The following PRKD1 variants were observed in gnomAD, a reference collection of about 807,000 sequenced individuals.
PRKD1 encodes the protein protein kinase D1.
A neutral mutation model predicts 95.9 loss-of-function variants in PRKD1; 63 were observed. That is an observed-to-expected ratio of 0.66 (90% CI 0.54 to 0.81). The LOEUF (loss-of-function observed/expected upper bound fraction) is 0.81, where lower values mean the gene tolerates loss of function less well. PRKD1 is among the 30% of genes least tolerant of loss of function. The probability of loss-of-function intolerance (pLI) is 0.00; values close to 1 mark genes in which losing one functional copy is unlikely to be tolerated. For synonymous variants in PRKD1, 425 were observed against 423.1 expected (o/e 1.00, Z -0.05); for missense variants, 1,048 against 1,165.3 (o/e 0.90, Z 1.47).
chr14:29,758,662 T>C (rs565875363), intron 1 of PRKD1, among the ~76,000 whole-genome samples: 1 of 152,336 alleles, frequency 6.6e-6, no homozygotes, highest in African/African-American at 2.4e-5. Flanking sequence ...CACAAAGATA[T>C]TATACTTAGT....
At chr14:29,642,560 G>A (rs2139149703) in intron 4 of PRKD1, among the ~76,000 whole-genome samples, 2 of 152,270 alleles carry the variant, frequency 1.3e-5, no homozygotes, top group Admixed American at 1.3e-4. Flanking sequence ...CTGTTTGCAT[G>A]AAATGTATTA....
chr14:29,583,692 C>T (rs45504104), intron 16 of PRKD1, among the ~76,000 whole-genome samples: 142 of 151,488 alleles, frequency 9.4e-4, no homozygotes, highest in East Asian at 4.9e-3. Context: ...TCTTTTTTTT[C>T]TCTTCTTATG....
chr14:29,741,886 T>C (rs1042151344), intron 1 of PRKD1, among the ~76,000 whole-genome samples: 3 of 152,146 alleles, frequency 2.0e-5, no homozygotes, highest in Admixed American at 6.6e-5. Flanking sequence ...CTTTGATTAA[T>C]ATTATGACAT....
At chr14:29,647,788 G>A (rs1222792296) in intron 4 of PRKD1, among the ~76,000 whole-genome samples, 1 of 152,196 alleles carries the variant, frequency 6.6e-6, no homozygotes, top group Non-Finnish European at 1.5e-5. Flanking sequence ...CCAAATAGGG[G>A]TGCAGGAGAG....
At chr14:29,583,869 A>G (rs1892828020) in intron 16 of PRKD1, among the ~76,000 whole-genome samples, 1 of 152,206 alleles carries the variant, frequency 6.6e-6, no homozygotes, top group South Asian at 2.1e-4. Flanking sequence ...CTTTTGCTAC[A>G]ATAAATTTTT....
intron 1 of PRKD1, among the ~76,000 whole-genome samples, chr14:29,745,287 T>C (rs1376968220): frequency 6.6e-6 from 1 of 152,156 alleles, no homozygotes; most frequent in African/African-American, 2.4e-5. Context: ...GTCTCTTAAC[T>C]CAAATATGGG....
chr14:29,613,222 C>A (rs1878603506), intron 13 of PRKD1, among the ~76,000 whole-genome samples: 1 of 152,144 alleles, frequency 6.6e-6, no homozygotes, highest in Non-Finnish European at 1.5e-5. Flanking sequence ...AGAAAGCACC[C>A]ACATTTTGCA....
chr14:29,609,350 G>T (rs1231018216), intron 13 of PRKD1, among the ~76,000 whole-genome samples: 1 of 152,018 alleles, frequency 6.6e-6, no homozygotes, highest in Non-Finnish European at 1.5e-5. Context: ...AATGCACAAT[G>T]CATGATTACA....
At chr14:29,646,780 T>G (rs1881154876) in intron 4 of PRKD1, among the ~76,000 whole-genome samples, 2 of 150,022 alleles carry the variant, frequency 1.3e-5, no homozygotes, top group Non-Finnish European at 1.5e-5. Context: ...CACAGTCATC[T>G]GCAACAACAC....
At chr14:29,758,362 C>T (rs2139480273) in intron 1 of PRKD1, among the ~76,000 whole-genome samples, 1 of 152,132 alleles carries the variant, frequency 6.6e-6, no homozygotes, top group African/African-American at 2.4e-5. Context: ...TTTTCAAAAG[C>T]GTTTTGACCC....
chr14:29,735,129 G>C (rs1476516969), intron 1 of PRKD1, among the ~76,000 whole-genome samples: 2 of 152,180 alleles, frequency 1.3e-5, no homozygotes, highest in African/African-American at 4.8e-5. Flanking sequence ...TTAAAATAGA[G>C]AATAGTAATA....
intron 2 of PRKD1, among the ~76,000 whole-genome samples, chr14:29,686,685 T>C (rs1401035668): frequency 6.6e-6 from 1 of 152,194 alleles, no homozygotes; most frequent in Non-Finnish European, 1.5e-5. Context: ...TGACCTTAGA[T>C]GATTAGTAGA....
chr14:29,745,278 T>C (rs145784549), intron 1 of PRKD1, among the ~76,000 whole-genome samples: 1 of 152,256 alleles, frequency 6.6e-6, no homozygotes, highest in East Asian at 1.9e-4. Context: ...AAGAATTCTG[T>C]CTCTTAACTC....
intron 1 of PRKD1, among the ~76,000 whole-genome samples, chr14:29,795,688 A>G (rs2139204841): frequency 6.6e-6 from 1 of 152,248 alleles, no homozygotes; most frequent in African/African-American, 2.4e-5. Flanking sequence ...ACAATGTGCA[A>G]TATTCCCCAA....
intron 2 of PRKD1, among the ~76,000 whole-genome samples, chr14:29,676,192 T>TTTTTTTTTTTTGGG (rs1883203263): frequency 7.8e-6 from 1 of 128,528 alleles, no homozygotes; most frequent in African/African-American, 3.1e-5. Context: ...TGTTTTTTTT[T>TTTTTTTTTTTTGGG]TTTTTTTTTT....
chr14:29,715,098 T>TA (rs1885538092), intron 2 of PRKD1, among the ~76,000 whole-genome samples: 1 of 152,098 alleles, frequency 6.6e-6, no homozygotes, highest in African/African-American at 2.4e-5. Flanking sequence ...CCCCAGAACA[T>TA]AAAGTATAAT....
intron 1 of PRKD1, among the ~76,000 whole-genome samples, chr14:29,844,312 T>C (rs982595860): frequency 2.6e-5 from 4 of 152,152 alleles, no homozygotes; most frequent in Admixed American, 2.0e-4. Flanking sequence ...GTGTTGTGTA[T>C]AAATAGAACT....
At chr14:29,824,328 A>G (rs970939172) in intron 1 of PRKD1, among the ~76,000 whole-genome samples, 1 of 152,168 alleles carries the variant, frequency 6.6e-6, no homozygotes, top group African/African-American at 2.4e-5. Flanking sequence ...CTTTCCATTT[A>G]TGAAAATTAG....
At position 29,624,254 on chromosome 14, in the gene PRKD1, TTTTCC is replaced by T; in HGVS notation, c.1799-1_1802del. On this transcript the variant is annotated splice_acceptor_variant and coding_sequence_variant, in exon 13 of 18. Transcript: ENST00000331968. LOFTEE classifies it high-confidence loss of function. The stretch of plus-strand genomic sequence containing the variant: ...CTACATCTCTTCCTGTTTTACGATG[TTTTCC>T]TTTAAAATGAAAAAGGGAAGCATTA... 6.3e-7 allele frequency: 1 copy of T among 1,596,122 alleles called. No homozygotes were observed. Among genetic ancestry groups the T allele is most frequent in the Middle Eastern group, 1.7e-4 (1 of 5,996 alleles).
Sources: allele counts gnomAD v4.1 joint callset (sites outside exome capture counted in the v4.1 genomes callset), GRCh38; gene constraint gnomAD v4.1.1; transcripts MANE v1.5; gene names NCBI Gene and HGNC (gene_info 2026-07-23, HGNC 2026-07-21).